Variants in PLEKHM3 observed in about 807,000 individuals in gnomAD.
PLEKHM3 encodes pleckstrin homology domain containing M3, also known as pleckstrin homology domain-containing family M member 3.
Under a neutral mutation model 81.8 loss-of-function variants are expected in PLEKHM3, and 45 were observed. The ratio of observed to expected loss-of-function variants is 0.55; its 90% CI spans 0.43 to 0.71. The LOEUF is 0.71. Among genes scored for constraint, PLEKHM3 ranks in the 30% least tolerant of loss-of-function variants. The pLI is 0.00. For synonymous variants in PLEKHM3, 352 were observed against 356.4 expected (o/e 0.99, Z 0.14); for missense variants, 788 against 924.3 (o/e 0.85, Z 1.91).
intron 6 of PLEKHM3, among the ~76,000 whole-genome samples, chr2:207,901,908 C>A (rs1234515857): frequency 6.6e-6 from 1 of 152,210 alleles, no homozygotes; most frequent in Non-Finnish European, 1.5e-5. Context: ...GAAGGCAGTG[C>A]CGGCTGCAGC....
chr2:207,883,859 G>A (rs746952477), intron 6 of PLEKHM3, among the ~76,000 whole-genome samples: 4 of 151,908 alleles, frequency 2.6e-5, no homozygotes, highest in Non-Finnish European at 5.9e-5. Flanking sequence ...TGACCAACTG[G>A]GATTTCTCCT....
chr2:207,972,153 C>T (rs1310224028), intron 3 of PLEKHM3, among the ~76,000 whole-genome samples: 4 of 152,158 alleles, frequency 2.6e-5, no homozygotes, highest in African/African-American at 9.7e-5. Flanking sequence ...CTAGGTGCAT[C>T]CAAGTTTCTG....
At chr2:207,997,726 T>C (rs6733857) in intron 2 of PLEKHM3, among the ~76,000 whole-genome samples, 98,479 of 151,922 alleles carry the variant, frequency 0.65, 32,942 homozygotes, top group Non-Finnish European at 0.73. Context: ...TTGGTACATT[T>C]CAACAAAAAT....
intron 7 of PLEKHM3, among the ~76,000 whole-genome samples, chr2:207,835,232 C>T (rs1235750275): frequency 2.0e-5 from 3 of 152,108 alleles, no homozygotes; most frequent in Non-Finnish European, 2.9e-5. Context: ...TGTGAGCCAC[C>T]GTACCCTGCC....
intron 2 of PLEKHM3, among the ~76,000 whole-genome samples, chr2:207,994,591 C>A (rs907554500): frequency 6.6e-6 from 1 of 152,028 alleles, no homozygotes; most frequent in Non-Finnish European, 1.5e-5. Context: ...CCCAGTCACA[C>A]CCTGCTATAG....
chr2:207,947,267 A>G (rs1488405864), intron 3 of PLEKHM3, among the ~76,000 whole-genome samples: 1 of 152,158 alleles, frequency 6.6e-6, no homozygotes, highest in Non-Finnish European at 1.5e-5. Context: ...ACCTCTCCTT[A>G]CACAGCACCC....
intron 6 of PLEKHM3, among the ~76,000 whole-genome samples, chr2:207,879,425 T>C (rs1383270351): frequency 6.6e-6 from 1 of 152,248 alleles, no homozygotes; most frequent in Non-Finnish European, 1.5e-5. Context: ...AAAGAAGTGC[T>C]CTTGCTTAAT....
chr2:207,848,198 C>T (rs1241686601), intron 7 of PLEKHM3, among the ~76,000 whole-genome samples: 3 of 152,210 alleles, frequency 2.0e-5, no homozygotes, highest in African/African-American at 7.2e-5. Context: ...TCCCCTTCTC[C>T]TCTGGAGTTT....
chr2:207,976,472 TTTTAATATAGTAA>T lies in PLEKHM3; in HGVS notation c.1546+166_1546+178del, dbSNP rs1691311726. 6.6e-6 allele frequency among the ~76,000 whole-genome samples: 1 copy of T among 152,254 alleles called. No homozygotes were observed. Among genetic ancestry groups the T allele is most frequent in the Admixed American group, 6.5e-5 (1 of 15,292 alleles). On this transcript the variant is annotated intron_variant, in intron 3 of 7. Transcript: ENST00000427836. This position sits in a 1 kb window ranked among gnomAD's most constrained non-coding sequence, Gnocchi z 4.1. The stretch of plus-strand genomic sequence containing the variant: ...TGGGATAAAGATGGTTGTCCTTATG[TTTTAATATAGTAA>T]TTTAATATAGGATGTTTTAATACAG...
At chr2:207,877,083 T>G (rs2092563235) in intron 6 of PLEKHM3, among the ~76,000 whole-genome samples, 1 of 152,200 alleles carries the variant, frequency 6.6e-6, no homozygotes, top group African/African-American at 2.4e-5. Context: ...GCCTTAGACT[T>G]GGCCCGAAGA....
At chr2:207,921,179 G>A (rs146823988) in intron 5 of PLEKHM3, among the ~76,000 whole-genome samples, 2,882 of 152,214 alleles carry the variant, frequency 0.019, 92 homozygotes, top group African/African-American at 0.066. Context: ...CTCTTGAGTA[G>A]CTGGGACTAC....
At chr2:207,929,698 T>C (rs1261176097) in intron 5 of PLEKHM3, among the ~76,000 whole-genome samples, 2 of 152,244 alleles carry the variant, frequency 1.3e-5, no homozygotes, top group African/African-American at 2.4e-5. Flanking sequence ...TGACTACCAC[T>C]GAGAAGTATT....
chr2:207,963,999 G>A (rs1225750103), intron 3 of PLEKHM3, among the ~76,000 whole-genome samples: 1 of 152,144 alleles, frequency 6.6e-6, no homozygotes, highest in Admixed American at 6.5e-5. Context: ...ATCACCTGAG[G>A]TCCGGAGTTT....
chr2:207,889,697 G>A (rs1687995331), intron 6 of PLEKHM3, among the ~76,000 whole-genome samples: 2 of 152,058 alleles, frequency 1.3e-5, no homozygotes, highest in Non-Finnish European at 2.9e-5. Context: ...AACATGTCTT[G>A]GGGGCAGTCA....
intron 6 of PLEKHM3, among the ~76,000 whole-genome samples, chr2:207,902,804 C>G (rs1266397299): frequency 6.6e-6 from 1 of 150,762 alleles, no homozygotes; most frequent in East Asian, 1.9e-4. Flanking sequence ...ACATATACAC[C>G]CTGTCACCCA....
chr2:207,916,409 C>T (rs1275289269), intron 5 of PLEKHM3, among the ~76,000 whole-genome samples: 2 of 152,136 alleles, frequency 1.3e-5, no homozygotes, highest in Non-Finnish European at 2.9e-5. Context: ...TATAACACTT[C>T]CCCCGCAATG....
At chr2:207,918,006 T>C (rs1689052192) in intron 5 of PLEKHM3, among the ~76,000 whole-genome samples, 2 of 152,174 alleles carry the variant, frequency 1.3e-5, no homozygotes, top group Non-Finnish European at 2.9e-5. Context: ...GGAGTGTTGA[T>C]ATGAAGTGAT....
At chr2:208,015,475 C>CA (rs11458602) in intron 1 of PLEKHM3, among the ~76,000 whole-genome samples, 98,002 of 151,156 alleles carry the variant, frequency 0.65, 32,835 homozygotes, top group Non-Finnish European at 0.73. Context: ...AGTTAATTTA[C>CA]AAAAAAAAAT....
intron 1 of PLEKHM3, among the ~76,000 whole-genome samples, chr2:208,021,347 G>T (rs1365187048): frequency 6.6e-6 from 1 of 152,142 alleles, no homozygotes; most frequent in Non-Finnish European, 1.5e-5. Flanking sequence ...TCAGCCATGT[G>T]CCTCCTTTTT....
Sources: allele counts gnomAD v4.1 joint callset (sites outside exome capture counted in the v4.1 genomes callset), GRCh38; gene constraint gnomAD v4.1.1; non-coding constraint Gnocchi (gnomAD v3.1); transcripts MANE v1.5; gene names NCBI Gene and HGNC (gene_info 2026-07-23, HGNC 2026-07-21).